Variants in PADI1 observed in about 807,000 individuals in gnomAD.
PADI1 encodes protein-arginine deiminase type-1.
In PADI1, 65 loss-of-function variants were observed where a neutral mutation model predicts 74.8. The ratio of observed to expected loss-of-function variants is 0.87; its 90% confidence interval spans 0.71 to 1.07. The LOEUF (loss-of-function observed/expected upper bound fraction) is 1.07, where lower values mean the gene tolerates loss of function less well. Among genes scored for constraint, PADI1 ranks in the 50% least tolerant of loss-of-function variants. PADI1 has a pLI of 0.00. For synonymous variants in PADI1, 371 were observed against 336.2 expected (o/e 1.10, Z -1.13); for missense variants, 943 against 854.0 (o/e 1.10, Z -1.30).
intron 13 of PADI1, among the ~76,000 whole-genome samples, chr1:17,239,263 T>C (rs1311496055): frequency 1.3e-5 from 2 of 152,220 alleles, no homozygotes; most frequent in African/African-American, 4.8e-5. Context: ...TCCACAAGGA[T>C]AGCCCTGAGT....
At chr1:17,209,356 C>T (rs919663380) in intron 1 of PADI1, among the ~76,000 whole-genome samples, 5 of 152,162 alleles carry the variant, frequency 3.3e-5, no homozygotes, top group Non-Finnish European at 7.4e-5. Flanking sequence ...GTTTCAGGGT[C>T]CCTGGAGAAT....
chr1:17,245,243 TC>T lies in PADI1; in HGVS notation c.*1001del, dbSNP rs1349314963. On this transcript the variant is annotated 3_prime_UTR_variant, in exon 16 of 16. Coordinates refer to ENST00000375471, the MANE Select transcript of PADI1 (RefSeq NM_013358.3). The surrounding 1 kb of genome is among the most constrained non-coding windows in gnomAD (Gnocchi z 4.1). ...TTTAATAGTCTTTAATTATTCCCCT[TC>T]ATTCTGCAGGCAGTGGGAGGGGAAG... 1 of 152,632 alleles carries T rather than the reference TC, an allele frequency of 6.6e-6. No homozygotes were observed. Among genetic ancestry groups the T allele is most frequent in the Non-Finnish European group, 1.5e-5 (1 of 68,064 alleles). The allele number at this position is 152,632 out of a possible 1,614,324, so 9.5% of individuals were successfully genotyped here.
chr1:17,218,903 C>G (rs1040225972), intron 1 of PADI1, among the ~76,000 whole-genome samples: 1 of 151,064 alleles, frequency 6.6e-6, no homozygotes, highest in Non-Finnish European at 1.5e-5. Flanking sequence ...GGCAGGAGGG[C>G]TGGGAGATGA....
At chr1:17,221,442 C>T (rs1394215219) in intron 1 of PADI1, among the ~76,000 whole-genome samples, 4 of 141,396 alleles carry the variant, frequency 2.8e-5, no homozygotes, top group African/African-American at 1.1e-4. Context: ...GCACTCCAAC[C>T]TGGGTGAGAG....
rs149173445 is a variant in PADI1, at chr1:17,228,736, C to T, written c.764C>T (p.Thr255Ile). ...ATCAAGTTCTATGTGGAGGGGCTGA[C>T]CTTCCCCGATGCCGATTTCCTAGGG... ...QEIKFYVEGL[T>I]FPDADFLGLV... Residue 255 changes from threonine to isoleucine, a missense_variant, in exon 7 of 16, where the codon ACC becomes ATC. Thr to Ile is a moderately conservative substitution (Grantham distance 89). Coordinates refer to ENST00000375471, the MANE Select transcript of PADI1 (RefSeq NM_013358.3). 1,311 of 1,614,196 alleles carry T rather than the reference C, an allele frequency of 8.1e-4. 3 individuals are homozygous for T. The highest frequency in any genetic ancestry group is 1.0e-3 in the Non-Finnish European group (1,222 of 1,180,020).
In PADI1 at chr1:17,205,279, T is replaced by C; in HGVS notation, c.62T>C (p.Val21Ala). 1 of 1,613,846 alleles carries C rather than the reference T, an allele frequency of 6.2e-7. No individual in the cohort carries two copies. Reference sequence around the variant, plus strand: ...ATGCCTACCCATGCCGTGTGTGTGGTGGGAGTCGAGGCACATGTGGACATT... The same window carrying C: ...ATGCCTACCCATGCCGTGTGTGTGGCGGGAGTCGAGGCACATGTGGACATT... ...LKMPTHAVCV[V>A]GVEAHVDIHS... The change falls in exon 1 of 16, where the codon GTG (valine) becomes GCG (alanine). Residue 21 changes from valine to alanine, a missense_variant. Coordinates refer to ENST00000375471, the MANE Select transcript of PADI1 (RefSeq NM_013358.3).
chr1:17,205,853 C>T lies in PADI1; in HGVS notation c.92+544C>T, dbSNP rs1569724228. On this transcript the variant is annotated intron_variant, in intron 1 of 15. Coordinates refer to ENST00000375471, the MANE Select transcript of PADI1 (RefSeq NM_013358.3). ...AGAACCTGGAGCAAGACGGCTGGGA[C>T]TTATGTTTGCTGTGAGATGATGGTG... is the stretch of plus-strand genomic sequence containing the variant. Among the ~76,000 whole-genome samples, 4 of 152,096 alleles carry T rather than the reference C, an allele frequency of 2.6e-5. 1 individual carries two copies. Among genetic ancestry groups the T allele is most frequent in the African/African-American group, 7.2e-5 (3 of 41,404 alleles).
intron 9 of PADI1, 52 bp from the exon 10 acceptor site, chr1:17,230,520 T>C (rs376510642): frequency 1.7e-5 from 23 of 1,328,034 alleles, no homozygotes; most frequent in Non-Finnish European, 2.4e-5. Context: ...CACCCTGTTC[T>C]GTAAACCACC....
intron 15 of PADI1, among the ~76,000 whole-genome samples, chr1:17,242,176 G>C (rs879617661): frequency 5.3e-5 from 8 of 152,134 alleles, no homozygotes; most frequent in Non-Finnish European, 8.8e-5. Context: ...CGGCCTCCCT[G>C]GTCTCTACCC....
intron 1 of PADI1, among the ~76,000 whole-genome samples, chr1:17,207,761 C>T (rs1018294807): frequency 1.3e-5 from 2 of 152,208 alleles, no homozygotes; most frequent in Non-Finnish European, 2.9e-5. Flanking sequence ...AGAGGTTGCT[C>T]TGGGATCCTG....
intron 4 of PADI1, 120 bp from the exon 5 acceptor site, chr1:17,225,691 A>C: frequency 1.4e-6 from 1 of 732,158 alleles, no homozygotes; most frequent in Non-Finnish European, 2.3e-6. Flanking sequence ...AAAATCTTTA[A>C]GCAAACTAAA....
chr1:17,205,240 A>T lies in PADI1; in HGVS notation c.23A>T (p.Gln8Leu). The change falls in exon 1 of 16, where the codon CAG becomes CTG. Residue 8 changes from glutamine (Q) to leucine (L), a missense_variant. Physicochemically the swap from Gln to Leu is moderately radical, Grantham distance 113 (BLOSUM62 -2). Transcript: ENST00000375471. MAPKRVVQLSLKMPTHAV... is the reference protein window; with the variant it reads MAPKRVVLLSLKMPTHAV... ...AGGATGGCCCCAAAGAGAGTTGTGC[A>T]GCTGTCCCTGAAGATGCCTACCCAT... 1 of 1,614,094 alleles carries T rather than the reference A, an allele frequency of 6.2e-7. No individual in the cohort carries two copies. Among genetic ancestry groups the T allele is most frequent in the Non-Finnish European group, 8.5e-7 (1 of 1,179,982 alleles).
intron 1 of PADI1, among the ~76,000 whole-genome samples, chr1:17,220,891 T>G (rs1384936979): frequency 3.3e-5 from 5 of 152,212 alleles, no homozygotes; most frequent in Non-Finnish European, 2.9e-5. Flanking sequence ...CTGCGTGCCC[T>G]GTAGCCTGAG....
chr1:17,230,631 C>A lies in PADI1; in HGVS notation c.1113C>A (p.Asp371Glu), dbSNP rs149070229. 7 of 1,612,950 alleles carry A rather than the reference C, an allele frequency of 4.3e-6. No individual in the cohort carries two copies. Among genetic ancestry groups the A allele is most frequent in the Non-Finnish European group, 5.9e-6 (7 of 1,179,306 alleles). Reference protein sequence around the residue: ...APHKSFPVVFDSPRNRGLKDF... With the variant: ...APHKSFPVVFESPRNRGLKDF... ...ACAAATCCTTCCCCGTGGTCTTTGA[C>A]TCCCCCAGGAACAGGGGCCTGAAAG... Residue 371 changes from aspartate to glutamate, a missense_variant, in exon 10 of 16, where the codon GAC becomes GAA. By Grantham distance (45) the Asp-to-Glu change is conservative (BLOSUM62 2). Coordinates refer to ENST00000375471, the MANE Select transcript of PADI1 (RefSeq NM_013358.3).
intron 7 of PADI1, 39 bp from the exon 8 acceptor site, chr1:17,228,909 G>T (rs1251649852): frequency 1.7e-5 from 26 of 1,570,182 alleles, no homozygotes; most frequent in Admixed American, 3.5e-5. Context: ...CAGGCTAGGG[G>T]TCCCTGCAGG....
At chr1:17,232,063 C>T (rs949266508) in intron 10 of PADI1, among the ~76,000 whole-genome samples, 1 of 152,146 alleles carries the variant, frequency 6.6e-6, no homozygotes, top group African/African-American at 2.4e-5. Flanking sequence ...CTCAGCCTCC[C>T]GAGTAGCTGG....
intron 9 of PADI1, 85 bp downstream of exon 9, chr1:17,230,293 C>T (rs2072451646): frequency 2.0e-6 from 3 of 1,511,032 alleles, no homozygotes; most frequent in South Asian, 1.3e-5. Flanking sequence ...CCCAGTGTCG[C>T]TAGAGAAGCC....
chr1:17,228,419 A>G (rs1489776245), intron 6 of PADI1, among the ~76,000 whole-genome samples: 1 of 152,248 alleles, frequency 6.6e-6, no homozygotes, highest in Non-Finnish European at 1.5e-5. Context: ...TATTGGCCTC[A>G]TGAGAAAATG....
At chr1:17,207,508 T>C (rs756746378) in intron 1 of PADI1, among the ~76,000 whole-genome samples, 1 of 152,220 alleles carries the variant, frequency 6.6e-6, no homozygotes, top group Non-Finnish European at 1.5e-5. Context: ...GCGCCGTGGG[T>C]GCCCTGGCAG....
Sources: gnomAD v4.1 joint callset for allele counts (sites outside exome capture counted in the v4.1 genomes callset) on GRCh38, gnomAD v4.1.1 for gene constraint, Gnocchi (gnomAD v3.1) non-coding constraint, MANE v1.5 for transcripts, NCBI Gene and HGNC (gene_info 2026-07-23, HGNC 2026-07-21) for gene names.